KDELR2: variants seen among roughly 807,000 people sequenced by gnomAD.
KDELR2 encodes ER lumen protein-retaining receptor 2.
Under a neutral mutation model 23.9 loss-of-function variants are expected in KDELR2, and 15 were observed. The observed-to-expected ratio is 0.63, with a 90% CI of 0.42 to 0.97. KDELR2 has a LOEUF of 0.97. Among genes scored for constraint, KDELR2 ranks in the 50% least tolerant of loss-of-function variants. KDELR2 has a pLI of 0.00. For missense variants in KDELR2, 272 were observed against 254.6 expected (o/e 1.07, Z -0.46); for synonymous variants, 119 against 106.2 (o/e 1.12, Z -0.74).
At chr7:6,474,823 C>G in intron 1 of KDELR2, among the ~76,000 whole-genome samples, 1 of 152,090 alleles carries the variant, frequency 6.6e-6, no homozygotes, top group East Asian at 1.9e-4. Context: ...ACTACCACAC[C>G]CAGCTAATTT....
chr7:6,463,801 C>A (rs1212120258), intron 4 of KDELR2, among the ~76,000 whole-genome samples: 1 of 151,282 alleles, frequency 6.6e-6, no homozygotes, highest in Non-Finnish European at 1.5e-5. Context: ...TAGCTCACGC[C>A]TATACTTCCG....
rs1785379692 is a variant in KDELR2, at chr7:6,461,133, A to G, written c.*2008T>C. ...TATTCGGGAAGTGAAAGTAACTGTG[A>G]AACAGTGCTTCATAAGGCGTGGCAT... On this transcript the variant is annotated 3_prime_UTR_variant, in exon 5 of 5. Coordinates refer to ENST00000258739, the MANE Select transcript of KDELR2 (RefSeq NM_006854.4). 1.3e-5 allele frequency: 2 copies of G among 152,346 alleles called. No homozygotes were observed. Among genetic ancestry groups the G allele is most frequent in the South Asian group, 4.1e-4 (2 of 4,832 alleles). 9.4% of individuals were successfully genotyped at this position (152,346 alleles called of 1,614,324 possible).
chr7:6,475,119 G>A (rs908674323), intron 1 of KDELR2, among the ~76,000 whole-genome samples: 3 of 152,150 alleles, frequency 2.0e-5, no homozygotes, highest in African/African-American at 4.8e-5. Flanking sequence ...TGCTAAGAGC[G>A]GCAATTACTT....
intron 2 of KDELR2, 113 bp downstream of exon 2, chr7:6,474,071 T>A (rs536034073): frequency 2.9e-6 from 2 of 680,350 alleles, no homozygotes; most frequent in Admixed American, 5.3e-5. Flanking sequence ...AACAGCATAT[T>A]AAGACATTAT....
At chr7:6,475,634 G>C (rs1471403002) in intron 1 of KDELR2, among the ~76,000 whole-genome samples, 2 of 152,146 alleles carry the variant, frequency 1.3e-5, no homozygotes, top group Admixed American at 1.3e-4. Context: ...ACTCAGCCAG[G>C]AAGGCTGGAC....
chr7:6,470,865 A>G (rs1010401810), intron 2 of KDELR2, among the ~76,000 whole-genome samples: 25 of 152,272 alleles, frequency 1.6e-4, no homozygotes, highest in African/African-American at 6.0e-4. Context: ...CTGTAATCCT[A>G]GCACTCTGGG....
intron 4 of KDELR2, among the ~76,000 whole-genome samples, chr7:6,464,470 G>A (rs1323839448): frequency 6.6e-6 from 1 of 152,180 alleles, no homozygotes; most frequent in Non-Finnish European, 1.5e-5. Flanking sequence ...AGTGAGCCGA[G>A]ATTGCGCCAC....
chr7:6,480,038 G>T (rs1480806778), intron 1 of KDELR2, among the ~76,000 whole-genome samples: 2 of 152,150 alleles, frequency 1.3e-5, no homozygotes, highest in African/African-American at 2.4e-5. Context: ...ATCCAGTATG[G>T]GGTTTGGTAG....
intron 1 of KDELR2, among the ~76,000 whole-genome samples, chr7:6,476,365 C>T (rs377614997): frequency 5.3e-5 from 8 of 152,074 alleles, no homozygotes; most frequent in East Asian, 1.9e-4. Flanking sequence ...GACCAATGTT[C>T]CAAAGGGGAA....
intron 4 of KDELR2, 112 bp downstream of exon 4, chr7:6,465,959 T>A (rs1785494781): frequency 9.2e-7 from 1 of 1,086,572 alleles, no homozygotes. Context: ...ATCATGAAAG[T>A]GTTTCTCTGG....
intron 2 of KDELR2, among the ~76,000 whole-genome samples, chr7:6,471,639 C>A (rs1461287014): frequency 2.0e-5 from 3 of 152,122 alleles, no homozygotes; most frequent in African/African-American, 7.2e-5. Context: ...ACTTCAAGAA[C>A]CTACCAATGA....
chr7:6,469,771 A>C lies in KDELR2; in HGVS notation c.193-17T>G. On this transcript the variant is annotated splice_polypyrimidine_tract_variant and intron_variant, in intron 2 of 4. Transcript: ENST00000258739. Reference sequence around the variant, plus strand: ...GTAGATAACCTACAAATAAAAGAAAAAACACCAGGTGTCAATACCTTGCCA... The same window carrying C: ...GTAGATAACCTACAAATAAAAGAAACAACACCAGGTGTCAATACCTTGCCA... The C allele has an allele frequency of 6.3e-7, 1 of 1,598,674 alleles. No individual in the cohort carries two copies.
At chr7:6,473,661 C>T (rs6463563) in intron 2 of KDELR2, among the ~76,000 whole-genome samples, 135,731 of 152,268 alleles carry the variant, frequency 0.89, 60,973 homozygotes, top group Non-Finnish European at 0.92. Flanking sequence ...CATTTAAGCA[C>T]GGCAAATGTA....
chr7:6,478,632 T>C (rs569141961), intron 1 of KDELR2, among the ~76,000 whole-genome samples: 1 of 152,304 alleles, frequency 6.6e-6, no homozygotes, highest in East Asian at 1.9e-4. Flanking sequence ...CTCAGTTTAT[T>C]GTCTTTAGCT....
chr7:6,481,385 GA>G (rs1260542811), intron 1 of KDELR2, among the ~76,000 whole-genome samples: 48 of 140,064 alleles, frequency 3.4e-4, no homozygotes, highest in African/African-American at 9.6e-4. Flanking sequence ...AAAAAAGAAA[GA>G]AAAAAAAATC....
At position 6,466,249 on chromosome 7, in the gene KDELR2, C is replaced by T; in HGVS notation, c.426G>A (p.Gly142=). The T allele has an allele frequency of 6.2e-7, 1 of 1,614,042 alleles. No individual in the cohort carries two copies. Among genetic ancestry groups the T allele is most frequent in the Non-Finnish European group, 8.5e-7 (1 of 1,179,976 alleles). ...AGTGGGTGGTGATGGTCTCGGCCTC[C>T]CCAGTCTTGCTGATCATAAATAGCT... ...LPQLFMISKT[G]EAETITTHYL... Residue 142 remains glycine (G), a synonymous_variant, in exon 4 of 5, where the codon GGG becomes GGA. Coordinates refer to ENST00000258739, the MANE Select transcript of KDELR2 (RefSeq NM_006854.4).
intron 1 of KDELR2, among the ~76,000 whole-genome samples, chr7:6,476,921 T>C (rs1785766708): frequency 6.6e-6 from 1 of 152,214 alleles, no homozygotes; most frequent in South Asian, 2.1e-4. Flanking sequence ...CCTTATTCCA[T>C]CTTGTATTCC....
chr7:6,474,148 T>C lies in KDELR2; in HGVS notation c.192+36A>G, dbSNP rs17777087. ...TAAGTGTCCATAGACCTGTGCACTG[T>C]AGATGAAATACATTCCTGTGGATGG... On this transcript the variant is annotated intron_variant, in intron 2 of 4. Transcript: ENST00000258739. 0.19 allele frequency: 232,890 copies of C among 1,255,568 alleles called. 24,076 individuals carry two copies. The highest frequency in any genetic ancestry group is 0.21 in the Non-Finnish European group (179,254 of 854,010). The allele number at this position is 1,255,568 out of a possible 1,614,324, so 77.8% of individuals were successfully genotyped here. A position where few individuals can be genotyped will look rare whatever the true frequency, so the allele number is the denominator to read the frequency against.
In KDELR2 at chr7:6,461,093, T is replaced by C. The variant is rs1785378923; in HGVS notation, c.*2048A>G. 6.6e-6 allele frequency: 1 copy of C among 152,176 alleles called. No individual in the cohort carries two copies. Among genetic ancestry groups the C allele is most frequent in the Non-Finnish European group, 1.5e-5 (1 of 68,028 alleles). The allele number at this position is 152,176 out of a possible 1,614,324, so 9.4% of individuals were successfully genotyped here. A position where few individuals can be genotyped will look rare whatever the true frequency, so the allele number is the denominator to read the frequency against. ...ACAAACACCTCAATAAAAATATTAA[T>C]TACCTGGTAACCTTTATTCGGGAAG... is the stretch of plus-strand genomic sequence containing the variant. On this transcript the variant is annotated 3_prime_UTR_variant, in exon 5 of 5. Coordinates refer to ENST00000258739, the MANE Select transcript of KDELR2 (RefSeq NM_006854.4).
Sources: allele counts gnomAD v4.1 joint callset (sites outside exome capture counted in the v4.1 genomes callset), GRCh38; gene constraint gnomAD v4.1.1; transcripts MANE v1.5; gene names NCBI Gene and HGNC (gene_info 2026-07-23, HGNC 2026-07-21).